TNXB: variants seen among roughly 807,000 people sequenced by gnomAD.
The protein encoded by TNXB is tenascin XB, also known as tenascin-X.
A neutral mutation model predicts 340.5 loss-of-function variants in TNXB; 183 were observed. The ratio of observed to expected loss-of-function variants is 0.54; its 90% CI spans 0.48 to 0.61. The LOEUF (loss-of-function observed/expected upper bound fraction) is 0.61. Ranked by LOEUF, TNXB falls within the 20% of genes least tolerant of loss-of-function variation. The probability of loss-of-function intolerance (pLI) is 0.00; values close to 1 mark genes in which losing one functional copy is unlikely to be tolerated. For synonymous variants in TNXB, 2,121 were observed against 2,314.5 expected, an observed-to-expected ratio of 0.92 and a Z score of 2.40; for missense variants, 4,613 against 5,446.4, an observed-to-expected ratio of 0.85 and a Z score of 4.82.
chr6:32,068,318 C>T lies in TNXB; in HGVS notation c.6220+72G>A. The T allele has an allele frequency of 6.4e-7, 1 of 1,556,508 alleles. No homozygotes were observed. Among genetic ancestry groups the T allele is most frequent in the East Asian group, 2.3e-5 (1 of 43,474 alleles). On this transcript the variant is annotated intron_variant, in intron 17 of 43. Transcript: ENST00000644971. The surrounding 1 kb of genome is among the most constrained non-coding windows in gnomAD (Gnocchi z 5.3). ...GACCAGACCCTTGTCCCATTCCCCA[C>T]CAGTCATCACCAAAGAGCAAGAGGG... is the stretch of plus-strand genomic sequence containing the variant.
In TNXB at chr6:32,062,430, C is replaced by G. The variant is rs369735650; in HGVS notation, c.6895G>C (p.Glu2299Gln). The part of the protein sequence containing the change: ...APASTEPPTP[E>Q]PPIKPRLEEL... The stretch of plus-strand genomic sequence containing the variant: ...TCCAGGCGAGGCTTGATGGGGGGTT[C>G]AGGGGTGGGAGGTTCTGTCGAGGCT... Residue 2299 changes from glutamate (E) to glutamine (Q), a missense_variant, in exon 20 of 44, where the codon GAA becomes CAA. This residue lies in a region of TNXB where 4,327 missense variants were observed against 4,859.4 expected (regional missense o/e 0.89). Coordinates refer to ENST00000644971, the MANE Select transcript of TNXB (RefSeq NM_001365276.2). The surrounding 1 kb of genome is among the most constrained non-coding windows in gnomAD (Gnocchi z 4.3). 1.9e-6 allele frequency: 3 copies of G among 1,612,438 alleles called. No homozygotes were observed. The African/African-American group carries it at 4.0e-5, about 22-fold the overall frequency.
chr6:32,085,260 C>T lies in TNXB; in HGVS notation c.3148+490G>A, dbSNP rs953062274. 7.2e-5 allele frequency among the ~76,000 whole-genome samples: 11 copies of T among 152,180 alleles called. No homozygotes were observed. Among genetic ancestry groups the T allele is most frequent in the Non-Finnish European group, 1.6e-4 (11 of 68,036 alleles). On this transcript the variant is annotated intron_variant, in intron 7 of 43. Coordinates refer to ENST00000644971, the MANE Select transcript of TNXB (RefSeq NM_001365276.2). This position sits in a 1 kb window ranked among gnomAD's most constrained non-coding sequence, Gnocchi z 6.4. ...CCCCCTGCCCCAAGGAGCCTTCACC[C>T]CCAGCAGAAACTGGCTGATGGGACC... is the stretch of plus-strand genomic sequence containing the variant.
At chr6:32,077,175 G>T (rs1357306345) in intron 11 of TNXB, among the ~76,000 whole-genome samples, 1 of 152,128 alleles carries the variant, frequency 6.6e-6, no homozygotes, top group Non-Finnish European at 1.5e-5. Context: ...GGGTCCCTGG[G>T]ACAGAGCGGC....
chr6:32,104,597 G>T (rs139263534), intron 1 of TNXB, among the ~76,000 whole-genome samples: 1 of 151,242 alleles, frequency 6.6e-6, no homozygotes, highest in Non-Finnish European at 1.5e-5. Context: ...GCTTCCATCC[G>T]CCTCTTGCCT....
Position 32,046,733 on chromosome 6 carries a change from C to T in TNXB, c.10325-277G>A, listed in dbSNP as rs576033139. On this transcript the variant is annotated intron_variant, in intron 30 of 43. Coordinates refer to ENST00000644971, the MANE Select transcript of TNXB (RefSeq NM_001365276.2). This position sits in a 1 kb window ranked among gnomAD's most constrained non-coding sequence, Gnocchi z 6.9. ...GCCAAATTCATTACAGATCATCTCCCGAGGGATGGGTGGCTGGGGGTGCAG... is the reference window on the plus strand; with the variant it reads ...GCCAAATTCATTACAGATCATCTCCTGAGGGATGGGTGGCTGGGGGTGCAG... 49 of 360,730 alleles carry T rather than the reference C, an allele frequency of 1.4e-4. No individual in the cohort carries two copies. Among genetic ancestry groups the T allele is most frequent in the South Asian group, 2.1e-4 (2 of 9,552 alleles). 22.3% of individuals were successfully genotyped at this position (360,730 alleles called of 1,614,324 possible).
At chr6:32,104,767 T>C (rs1040793812) in intron 1 of TNXB, among the ~76,000 whole-genome samples, 1 of 152,012 alleles carries the variant, frequency 6.6e-6, no homozygotes, top group Non-Finnish European at 1.5e-5. Flanking sequence ...TCCTGAGTAG[T>C]TGGGACTACA....
Position 32,096,388 on chromosome 6 carries a change from C to T in TNXB, c.1465G>A (p.Gly489Ser). 1.3e-6 allele frequency: 2 copies of T among 1,570,762 alleles called. No individual in the cohort carries two copies. Among genetic ancestry groups the T allele is most frequent in the Non-Finnish European group, 1.7e-6 (2 of 1,165,902 alleles). ...GRCMCWPGYT[G>S]RDCGTRACPG... The stretch of plus-strand genomic sequence containing the variant: ...CAGGCGCGCGTGCCGCAGTCCCGGC[C>T]TGTGTACCCCGGCCAACACATGCAG... The change falls in exon 3 of 44, where the codon GGC (glycine) becomes AGC (serine). Residue 489 changes from glycine to serine, a missense_variant. Physicochemically the swap from Gly to Ser is moderately conservative, Grantham distance 56. Transcript: ENST00000644971.
Position 32,073,824 on chromosome 6 carries a change from C to T in TNXB, c.4504G>A (p.Asp1502Asn). 6.2e-7 allele frequency: 1 copy of T among 1,612,756 alleles called. No homozygotes were observed. Among genetic ancestry groups the T allele is most frequent in the Non-Finnish European group, 8.5e-7 (1 of 1,179,496 alleles). Residue 1502 changes from aspartate to asparagine, a missense_variant, in exon 12 of 44, where the codon GAC (aspartate) becomes AAC (asparagine). Transcript: ENST00000644971. This position sits in a 1 kb window ranked among gnomAD's most constrained non-coding sequence, Gnocchi z 4.6. ...TCCTTGTACTGGACTATGAAGGAGT[C>T]AAACTGGCCCTCGGGGACTGTCCAG... ...LSWTVPEGQF[D>N]SFIVQYKDKD...
At chr6:32,063,919 T>C (rs762460010) in intron 19 of TNXB, among the ~76,000 whole-genome samples, 1 of 152,202 alleles carries the variant, frequency 6.6e-6, no homozygotes. Context: ...ATTAAAGTAA[T>C]AGTATCCATG....
At chr6:32,103,016 GT>G (rs1172097673) in intron 1 of TNXB, among the ~76,000 whole-genome samples, 1 of 152,172 alleles carries the variant, frequency 6.6e-6, no homozygotes, top group Non-Finnish European at 1.5e-5. Flanking sequence ...ACCGGAAGGA[GT>G]CATATTTCTG....
At chr6:32,078,087 GAA>G (rs569947081) in intron 11 of TNXB, among the ~76,000 whole-genome samples, 2 of 115,808 alleles carry the variant, frequency 1.7e-5, no homozygotes, top group Non-Finnish European at 3.6e-5. Context: ...AAGAAAGAAA[GAA>G]AGAAAGAAAG....
rs35206129 is a variant in TNXB, at chr6:32,064,912, C to T, written c.6750G>A (p.Ser2250=). The T allele has an allele frequency of 4.4e-4, 716 of 1,612,790 alleles. 7 individuals are homozygous for T. The African/African-American group carries it at 8.0e-3, about 18-fold the overall frequency. Residue 2250 remains serine, a synonymous_variant, in exon 19 of 44, where the codon TCG becomes TCA. Transcript: ENST00000644971. The surrounding 1 kb of genome is among the most constrained non-coding windows in gnomAD (Gnocchi z 5.3). ...TGTACTTGTGGTCTGGCTCCAGGCC[C>T]GAGATGGTGACCCCATCCTCGTGTC... ...VPGHEDGVTI[S]GLEPDHKYKM...
chr6:32,097,344 G>A lies in TNXB; in HGVS notation c.509C>T (p.Pro170Leu), dbSNP rs1379680812. The change falls in exon 3 of 44, where the codon CCC (proline) becomes CTC (leucine). Residue 170 changes from proline to leucine, a missense_variant. Physicochemically the swap from Pro to Leu is moderately conservative, Grantham distance 98. This residue lies in a region of TNXB where 4,327 missense variants were observed against 4,859.4 expected (regional missense o/e 0.89). Transcript: ENST00000644971. This position sits in a 1 kb window ranked among gnomAD's most constrained non-coding sequence, Gnocchi z 5.9. Reference sequence around the variant, plus strand: ...AGAGGGAGGGATCTCAGCATCTGTGGGGTCTGAGCAGGTGGGCCCACCCCA... The same window carrying A: ...AGAGGGAGGGATCTCAGCATCTGTGAGGTCTGAGCAGGTGGGCCCACCCCA... ...PGWGGPTCSDPTDAEIPPSSP... is the reference protein window; with the variant it reads ...PGWGGPTCSDLTDAEIPPSSP... 6.8e-6 allele frequency: 11 copies of A among 1,613,222 alleles called. No individual in the cohort carries two copies. The highest frequency in any genetic ancestry group is 2.7e-5 in the African/African-American group (2 of 74,920).
chr6:32,062,135 G>T lies in TNXB; in HGVS notation c.7168+22C>A, dbSNP rs751879433. 6.2e-7 allele frequency: 1 copy of T among 1,603,404 alleles called. No individual in the cohort carries two copies. On this transcript the variant is annotated intron_variant, in intron 20 of 43. Transcript: ENST00000644971. This position sits in a 1 kb window ranked among gnomAD's most constrained non-coding sequence, Gnocchi z 4.3. ...GTGACCCTCCCATGGCTCCCACCCT[G>T]GGGCTCCCATCGTCCACTCACCTGT... is the stretch of plus-strand genomic sequence containing the variant.
intron 4 of TNXB, chr6:32,093,167 T>A (rs1040415737): frequency 1.4e-5 from 7 of 491,466 alleles, no homozygotes; most frequent in African/African-American, 1.2e-4. Context: ...AGTCCCACCC[T>A]TTCAAGATTA....
At position 32,087,823 on chromosome 6, in the gene TNXB, C is replaced by G. The variant is rs1554332173; in HGVS notation, c.2779+962G>C. 1 of 506,384 alleles carries G rather than the reference C, an allele frequency of 2.0e-6. No homozygotes were observed. The highest frequency in any genetic ancestry group is 1.4e-5 in the South Asian group (1 of 70,216). The allele number at this position is 506,384 out of a possible 1,614,324, so 31.4% of individuals were successfully genotyped here. ...GGCCGTCAGGTTGCCCCAAGGCCGC[C>G]GTGGGGGCTGGGACAGGCTTGGCCT... is the stretch of plus-strand genomic sequence containing the variant. On this transcript the variant is annotated intron_variant, in intron 6 of 43. Coordinates refer to ENST00000644971, the MANE Select transcript of TNXB (RefSeq NM_001365276.2). This position sits in a 1 kb window ranked among gnomAD's most constrained non-coding sequence, Gnocchi z 9.0.
At chr6:32,093,354 A>C (rs1365729303) in intron 4 of TNXB, 3 of 700,260 alleles carry the variant, frequency 4.3e-6, no homozygotes, top group Non-Finnish European at 7.8e-6. Context: ...ATGTTTAAAC[A>C]GAAGAAAAAA....
rs763407660 is a variant in TNXB at position 32,049,569 on chromosome 6, G to C, written c.9458C>G (p.Pro3153Arg). ...IGVTEEETPSPTEPSTEAPEA... is the reference protein window; with the variant it reads ...IGVTEEETPSRTEPSTEAPEA... ...CGGGGCCTCAGTGCTGGGTTCTGTGGGGCTGGGGGTCTCTTCCTCTGCAGT... is the reference window on the plus strand; with the variant it reads ...CGGGGCCTCAGTGCTGGGTTCTGTGCGGCTGGGGGTCTCTTCCTCTGCAGT... The change falls in exon 28 of 44, where the codon CCC (proline) becomes CGC (arginine). Residue 3153 changes from proline (P) to arginine (R), a missense_variant. Transcript: ENST00000644971. This position sits in a 1 kb window ranked among gnomAD's most constrained non-coding sequence, Gnocchi z 4.5. 2.2e-5 allele frequency: 36 copies of C among 1,611,682 alleles called. 1 individual carries two copies. Among genetic ancestry groups the C allele is most frequent in the Admixed American group, 1.0e-4 (6 of 59,968 alleles).
chr6:32,046,400 TCTC>T lies in TNXB; in HGVS notation c.10378_10380del (p.Glu3460del). The stretch of plus-strand genomic sequence containing the variant: ...CAGGACAGGCGCAGAGAGCTGGAGG[TCTC>T]CTCAGCCACGGTCAGTTCCCCCAGG... On this transcript the variant is annotated inframe_deletion, in exon 31 of 44. Transcript: ENST00000644971. This position sits in a 1 kb window ranked among gnomAD's most constrained non-coding sequence, Gnocchi z 6.9. The T allele has an allele frequency of 6.3e-7, 1 of 1,584,774 alleles. No homozygotes were observed. The highest frequency in any genetic ancestry group is 8.6e-7 in the Non-Finnish European group (1 of 1,160,630).
Sources: allele counts gnomAD v4.1 joint callset (sites outside exome capture counted in the v4.1 genomes callset), GRCh38; gene constraint gnomAD v4.1.1; regional missense constraint gnomAD v4.1.1; non-coding constraint Gnocchi (gnomAD v3.1); transcripts MANE v1.5; gene names NCBI Gene and HGNC (gene_info 2026-07-23, HGNC 2026-07-21).